WDR7: variants seen among roughly 807,000 people sequenced by gnomAD.
WDR7 encodes WD repeat domain 7.
Under a neutral mutation model 169.4 loss-of-function variants are expected in WDR7, and 46 were observed. The ratio of observed to expected loss-of-function variants is 0.27; its 90% CI spans 0.21 to 0.35. The LOEUF (loss-of-function observed/expected upper bound fraction) is 0.35, where lower values mean the gene tolerates loss of function less well. WDR7 is among the 10% of genes least tolerant of loss of function. WDR7 has a pLI of 1.00. For missense variants in WDR7, 1,534 were observed against 1,859.3 expected (o/e 0.83, Z 3.22); for synonymous variants, 612 against 666.8 (o/e 0.92, Z 1.27).
intron 21 of WDR7, among the ~76,000 whole-genome samples, chr18:56,883,360 TCA>T (rs962798419): frequency 2.6e-5 from 4 of 152,040 alleles, no homozygotes; most frequent in African/African-American, 9.7e-5. Context: ...ACTTTTCTAA[TCA>T]CAGTTTATCT....
chr18:56,853,107 T>G (rs529376096), intron 20 of WDR7, among the ~76,000 whole-genome samples: 10 of 152,310 alleles, frequency 6.6e-5, no homozygotes, highest in African/African-American at 2.4e-4. Context: ...GCTTTAAAAC[T>G]TAAAAATTAG....
Position 56,682,688 on chromosome 18 carries a change from T to A in WDR7, c.355T>A (p.Phe119Ile). The change falls in exon 5 of 28, where the codon TTC (phenylalanine) becomes ATC (isoleucine). Residue 119 changes from phenylalanine to isoleucine, a missense_variant. Transcript: ENST00000254442. ...CTHTGIQFYQ[F>I]SVGNQREGRL... is the part of the protein sequence containing the mutation. ...TTTGGCATGAATGTAGTTCTACCAG[T>A]TCTCTGTTGGGAATCAGCGAGAAGG... The A allele has an allele frequency of 6.2e-7, 1 of 1,612,948 alleles. No individual in the cohort carries two copies. The highest frequency in any genetic ancestry group is 1.1e-5 in the South Asian group (1 of 90,956).
At chr18:56,673,132 G>T (rs2025170682) in intron 2 of WDR7, among the ~76,000 whole-genome samples, 1 of 149,166 alleles carries the variant, frequency 6.7e-6, no homozygotes, top group African/African-American at 2.5e-5. Flanking sequence ...GGCTGTCAGT[G>T]GACAGAGCTA....
intron 1 of WDR7, among the ~76,000 whole-genome samples, chr18:56,655,777 A>G (rs2024754569): frequency 6.6e-6 from 1 of 152,212 alleles, no homozygotes; most frequent in African/African-American, 2.4e-5. Context: ...TGTCATTACC[A>G]GAGTGCTATA....
chr18:56,981,593 GGCATGAGAAAA>G (rs2047646034), intron 26 of WDR7, among the ~76,000 whole-genome samples: 1 of 152,194 alleles, frequency 6.6e-6, no homozygotes, highest in South Asian at 2.1e-4. Flanking sequence ...ATGGTTTGAA[GGCATGAGAAAA>G]GTCAGAATGT....
intron 20 of WDR7, among the ~76,000 whole-genome samples, chr18:56,858,067 T>G (rs1407911927): frequency 6.6e-6 from 1 of 152,216 alleles, no homozygotes; most frequent in East Asian, 1.9e-4. Context: ...CTCATCTCTC[T>G]GCTGAGCTCC....
intron 12 of WDR7, 98 bp downstream of exon 12, chr18:56,696,560 G>A: frequency 9.5e-7 from 1 of 1,047,264 alleles, no homozygotes; most frequent in Non-Finnish European, 1.4e-6. Flanking sequence ...TAAAGGAAGT[G>A]TGACAAGATA....
chr18:56,976,913 A>AC (rs1279738324), intron 26 of WDR7, among the ~76,000 whole-genome samples: 1 of 152,224 alleles, frequency 6.6e-6, no homozygotes, highest in African/African-American at 2.4e-5. Flanking sequence ...AAACTTGCTG[A>AC]CATCTGCCAT....
intron 25 of WDR7, chr18:56,957,501 T>A (rs534864576): frequency 6.6e-6 from 1 of 151,926 alleles, no homozygotes; most frequent in African/African-American, 2.4e-5. Context: ...AAAAGCTCTC[T>A]TAAGATCCAG....
intron 22 of WDR7, among the ~76,000 whole-genome samples, chr18:56,935,051 A>G (rs1471768719): frequency 6.6e-6 from 1 of 152,110 alleles, no homozygotes. Flanking sequence ...TGAATATAGC[A>G]TCACTCTCCT....
At chr18:56,698,832 T>G (rs1418739629) in intron 12 of WDR7, among the ~76,000 whole-genome samples, 1 of 152,182 alleles carries the variant, frequency 6.6e-6, no homozygotes, top group East Asian at 1.9e-4. Flanking sequence ...AAATAATGTA[T>G]TTGCAATTTG....
chr18:56,847,133 G>C (rs889979972), intron 20 of WDR7, among the ~76,000 whole-genome samples: 1 of 152,120 alleles, frequency 6.6e-6, no homozygotes, highest in Non-Finnish European at 1.5e-5. Flanking sequence ...GACAGTAAAG[G>C]CTACACTGAT....
intron 20 of WDR7, among the ~76,000 whole-genome samples, chr18:56,844,256 G>A (rs1031902831): frequency 6.6e-6 from 1 of 151,892 alleles, no homozygotes; most frequent in Admixed American, 6.6e-5. Flanking sequence ...TTTCCCTAAT[G>A]ATTAGTGATG....
chr18:56,988,363 T>C (rs572683387), intron 26 of WDR7, among the ~76,000 whole-genome samples: 1 of 152,168 alleles, frequency 6.6e-6, no homozygotes, highest in Non-Finnish European at 1.5e-5. Context: ...GCACTCCAGT[T>C]GAGGCAAAAT....
chr18:56,990,260 A>G (rs2047791545), intron 26 of WDR7, among the ~76,000 whole-genome samples: 2 of 152,238 alleles, frequency 1.3e-5, no homozygotes, highest in Non-Finnish European at 2.9e-5. Flanking sequence ...TGAAGTCCTT[A>G]GGTGAGTGGC....
At chr18:56,673,398 T>C (rs1225387717) in intron 2 of WDR7, among the ~76,000 whole-genome samples, 4 of 152,190 alleles carry the variant, frequency 2.6e-5, no homozygotes, top group African/African-American at 9.7e-5. Context: ...CTTATTGAGA[T>C]ATAATTCACA....
At chr18:56,892,306 C>T (rs1334377099) in intron 21 of WDR7, among the ~76,000 whole-genome samples, 1 of 151,882 alleles carries the variant, frequency 6.6e-6, no homozygotes, top group African/African-American at 2.4e-5. Flanking sequence ...TGTTCTATAC[C>T]AGTTGTTCTG....
intron 14 of WDR7, among the ~76,000 whole-genome samples, chr18:56,739,955 G>A (rs910452279): frequency 6.7e-6 from 1 of 148,740 alleles, no homozygotes; most frequent in Non-Finnish European, 1.5e-5. Context: ...TTTCACTAGT[G>A]CAGGAAAATT....
the WDR7 span, chr18:57,034,857 T>C: frequency 6.6e-6 from 1 of 152,140 alleles, no homozygotes. Context: ...AAGGAGAGCT[T>C]CATCTCCTAC....
Sources: gnomAD v4.1 joint callset for allele counts (sites outside exome capture counted in the v4.1 genomes callset) on GRCh38, gnomAD v4.1.1 for gene constraint, MANE v1.5 for transcripts, NCBI Gene and HGNC (gene_info 2026-07-23, HGNC 2026-07-21) for gene names.